The following PRKN variants were observed in gnomAD, a reference collection of about 807,000 sequenced individuals.
PRKN encodes parkin RBR E3 ubiquitin protein ligase.
Under a neutral mutation model 59.5 loss-of-function variants are expected in PRKN, and 56 were observed. That is an observed-to-expected ratio of 0.94 (90% CI 0.76 to 1.18). The LOEUF (loss-of-function observed/expected upper bound fraction) is 1.18. PRKN is among the 50% of genes most tolerant of loss of function. PRKN has a pLI of 0.00. For missense variants in PRKN, 657 were observed against 596.4 expected (o/e 1.10, Z -1.06); for synonymous variants, 250 against 222.1 (o/e 1.13, Z -1.12).
chr6:161,807,271 A>G (rs1227776582), intron 6 of PRKN, among the ~76,000 whole-genome samples: 1 of 152,182 alleles, frequency 6.6e-6, no homozygotes, highest in Non-Finnish European at 1.5e-5. Flanking sequence ...ACACACATAC[A>G]CACATAAACA....
intron 4 of PRKN, among the ~76,000 whole-genome samples, chr6:162,165,874 C>T (rs565355799): frequency 1.9e-4 from 29 of 151,842 alleles, no homozygotes; most frequent in Admixed American, 1.6e-3. Flanking sequence ...CATGGTGAAA[C>T]CCCTTCTCTA....
chr6:161,573,665 A>G (rs1780983847), intron 7 of PRKN, among the ~76,000 whole-genome samples: 1 of 137,040 alleles, frequency 7.3e-6, no homozygotes, highest in Non-Finnish European at 1.5e-5. Flanking sequence ...GCTTGCAGTG[A>G]GCCGAGATGG....
At chr6:162,021,949 TTGA>T (rs1783222100) in intron 5 of PRKN, among the ~76,000 whole-genome samples, 1 of 152,156 alleles carries the variant, frequency 6.6e-6, no homozygotes, top group African/African-American at 2.4e-5. Flanking sequence ...ATGCAATTAT[TTGA>T]TTTTTTGTTT....
At chr6:162,518,995 C>T (rs1289835901) in intron 1 of PRKN, among the ~76,000 whole-genome samples, 2 of 152,030 alleles carry the variant, frequency 1.3e-5, no homozygotes, top group Non-Finnish European at 1.5e-5. Flanking sequence ...TGCCTTTAAT[C>T]CTAGCACTTT....
At chr6:161,612,634 T>C (rs922944875) in intron 7 of PRKN, among the ~76,000 whole-genome samples, 4 of 150,568 alleles carry the variant, frequency 2.7e-5, no homozygotes, top group Non-Finnish European at 5.9e-5. Context: ...GGCAGGAGAA[T>C]TGCTTGAACC....
chr6:162,577,352 C>A (rs1243908152), intron 1 of PRKN, among the ~76,000 whole-genome samples: 1 of 151,950 alleles, frequency 6.6e-6, no homozygotes, highest in East Asian at 1.9e-4. Flanking sequence ...GTAATCCCAG[C>A]ACTTTGGGAG....
Position 162,623,502 on chromosome 6 carries a change from T to C in PRKN, c.7+104160A>G, listed in dbSNP as rs118104606. ...ACATAGGCCCAAAAGGACAGCAGTA[T>C]ATTAAAATAAAATAAGGTTATTTTC... On this transcript the variant is annotated intron_variant, in intron 1 of 11. Coordinates refer to ENST00000366898, the MANE Select transcript of PRKN (RefSeq NM_004562.3). Among the ~76,000 whole-genome samples the C allele has an allele frequency of 9.5e-4, 145 of 152,326 alleles. No homozygotes were observed. In the East Asian group the frequency reaches 0.021, roughly 23 times the overall value.
intron 4 of PRKN, among the ~76,000 whole-genome samples, chr6:162,138,414 T>C (rs900086257): frequency 1.1e-4 from 16 of 152,104 alleles, no homozygotes; most frequent in Non-Finnish European, 1.8e-4. Flanking sequence ...GTCGACTAGC[T>C]CAACTGTTGC....
chr6:161,960,726 A>T (rs1780347859), intron 6 of PRKN, among the ~76,000 whole-genome samples: 2 of 152,226 alleles, frequency 1.3e-5, no homozygotes, highest in Non-Finnish European at 2.9e-5. Flanking sequence ...GGGGACAGAA[A>T]GTCAATCTGT....
chr6:161,522,273 C>G (rs1370551930), intron 9 of PRKN, among the ~76,000 whole-genome samples: 1 of 152,196 alleles, frequency 6.6e-6, no homozygotes, highest in East Asian at 1.9e-4. Context: ...AGACCGATGA[C>G]AGGCGAGGGA....
chr6:162,397,779 G>A (rs758936800), intron 2 of PRKN, among the ~76,000 whole-genome samples: 2 of 152,180 alleles, frequency 1.3e-5, no homozygotes, highest in Non-Finnish European at 2.9e-5. Flanking sequence ...GCTCATGCCT[G>A]TAATCCTAGC....
At chr6:162,137,021 T>C (rs1230190569) in intron 4 of PRKN, among the ~76,000 whole-genome samples, 2 of 151,936 alleles carry the variant, frequency 1.3e-5, no homozygotes, top group Non-Finnish European at 2.9e-5. Flanking sequence ...TGTGTGAAAA[T>C]GTATAGAAAA....
chr6:162,123,484 C>T (rs1359440000), intron 4 of PRKN, among the ~76,000 whole-genome samples: 3 of 152,142 alleles, frequency 2.0e-5, no homozygotes, highest in East Asian at 3.8e-4. Context: ...TTCTTTACCG[C>T]CACTAGTTAC....
At chr6:162,546,905 T>G (rs1401331433) in intron 1 of PRKN, among the ~76,000 whole-genome samples, 1 of 152,194 alleles carries the variant, frequency 6.6e-6, no homozygotes, top group Non-Finnish European at 1.5e-5. Flanking sequence ...TGATTCTGAC[T>G]TTTTTTCTCA....
At chr6:162,280,007 T>G (rs925704792) in intron 2 of PRKN, among the ~76,000 whole-genome samples, 1 of 152,190 alleles carries the variant, frequency 6.6e-6, no homozygotes, top group African/African-American at 2.4e-5. Flanking sequence ...CCTTTTTTTT[T>G]GCATTCCATT....
At chr6:161,647,663 A>G (rs1784005995) in intron 7 of PRKN, among the ~76,000 whole-genome samples, 1 of 152,202 alleles carries the variant, frequency 6.6e-6, no homozygotes, top group Non-Finnish European at 1.5e-5. Context: ...ACATGCTCAA[A>G]ATCCCATTGA....
chr6:161,851,592 G>C (rs567678835), intron 6 of PRKN, among the ~76,000 whole-genome samples: 8 of 151,418 alleles, frequency 5.3e-5, no homozygotes, highest in South Asian at 4.2e-4. Context: ...AGTGATTCTC[G>C]TACGTGCCTC....
rs1223609096 is a variant in PRKN, at chr6:161,673,021, T to C, written c.872-103605A>G. On this transcript the variant is annotated intron_variant, in intron 7 of 11. Coordinates refer to ENST00000366898, the MANE Select transcript of PRKN (RefSeq NM_004562.3). ...GCACTGATGAGATCCTTCATAACTA[T>C]AAAGCAACAGGACTGATGAACCACA... 2.0e-5 allele frequency among the ~76,000 whole-genome samples: 3 copies of C among 152,114 alleles called. 1 individual carries two copies. The highest frequency in any genetic ancestry group is 4.4e-5 in the Non-Finnish European group (3 of 68,040).
chr6:162,279,288 ACATTGCAC>A (rs1411470697), intron 2 of PRKN, among the ~76,000 whole-genome samples: 11 of 151,974 alleles, frequency 7.2e-5, no homozygotes, highest in Non-Finnish European at 1.2e-4. Flanking sequence ...CAGTGAGCTG[ACATTGCAC>A]CATTGCACTC....
Sources: allele counts gnomAD v4.1 joint callset (sites outside exome capture counted in the v4.1 genomes callset), GRCh38; gene constraint gnomAD v4.1.1; transcripts MANE v1.5; gene names NCBI Gene and HGNC (gene_info 2026-07-23, HGNC 2026-07-21).